TTC13: variants seen among roughly 807,000 people sequenced by gnomAD.
The protein encoded by TTC13 is tetratricopeptide repeat domain 13.
In TTC13, 62 loss-of-function variants were observed where a neutral mutation model predicts 120.0. That is an observed-to-expected ratio of 0.52 (90% confidence interval 0.42 to 0.64). The LOEUF (loss-of-function observed/expected upper bound fraction) is 0.64. TTC13 is among the 30% of genes least tolerant of loss of function. The pLI is 0.00. For synonymous variants in TTC13, 384 were observed against 393.5 expected, an observed-to-expected ratio of 0.98 and a Z score of 0.28; for missense variants, 824 against 1,050.2, an observed-to-expected ratio of 0.78 and a Z score of 2.98.
chr1:230,917,054 C>T (rs1402866117), intron 17 of TTC13, among the ~76,000 whole-genome samples: 1 of 151,892 alleles, frequency 6.6e-6, no homozygotes, highest in East Asian at 1.9e-4. Flanking sequence ...GAGGCTGCTG[C>T]TTCATGAGGG....
rs4846887 is a variant in TTC13, at chr1:230,962,751, G to C, written c.272-1448C>G. ...GTGTATACAGAGTAGAATACTATTC[G>C]ACCATAAAAAAATGAACTACTGATA... On this transcript the variant is annotated intron_variant, in intron 1 of 22. Coordinates refer to ENST00000366661, the MANE Select transcript of TTC13 (RefSeq NM_024525.5). Among the ~76,000 whole-genome samples the C allele has an allele frequency of 6.6e-5, 10 of 152,212 alleles. No individual in the cohort carries two copies. In the South Asian group the frequency reaches 2.1e-3, roughly 32 times the overall value.
intron 9 of TTC13, among the ~76,000 whole-genome samples, chr1:230,933,160 A>G (rs1422326514): frequency 6.6e-6 from 1 of 152,108 alleles, no homozygotes; most frequent in Non-Finnish European, 1.5e-5. Flanking sequence ...TTTAGTAGAC[A>G]CAGGGTTTCA....
chr1:230,962,003 G>A (rs545578332), intron 1 of TTC13, among the ~76,000 whole-genome samples: 5 of 152,120 alleles, frequency 3.3e-5, no homozygotes, highest in African/African-American at 4.8e-5. Flanking sequence ...CTAAGGTCAC[G>A]AGTTCGAGAC....
chr1:230,931,764 C>G lies in TTC13; in HGVS notation c.1097G>C (p.Ser366Thr). ...LRGMMLYHHG[S>T]LQEALKNFKR... ...AAAGTTCTTAAGGGCTTCCTGTAAGCTGCCGTGGTGGTAGAGCATCATTCC... is the reference window on the plus strand; with the variant it reads ...AAAGTTCTTAAGGGCTTCCTGTAAGGTGCCGTGGTGGTAGAGCATCATTCC... Residue 366 changes from serine (S) to threonine (T), a missense_variant, in exon 10 of 23, where the codon AGC becomes ACC. Coordinates refer to ENST00000366661, the MANE Select transcript of TTC13 (RefSeq NM_024525.5). 6.2e-7 allele frequency: 1 copy of G among 1,614,136 alleles called. No homozygotes were observed. The highest frequency in any genetic ancestry group is 2.2e-5 in the East Asian group (1 of 44,876).
intron 8 of TTC13, among the ~76,000 whole-genome samples, chr1:230,937,428 C>T (rs987901274): frequency 6.6e-6 from 1 of 152,150 alleles, no homozygotes; most frequent in African/African-American, 2.4e-5. Flanking sequence ...TACCGAAGTT[C>T]TGAGTTTTTA....
chr1:230,943,934 T>C, intron 5 of TTC13, 36 bp from the exon 6 acceptor site: 1 of 1,481,034 alleles, frequency 6.8e-7, no homozygotes, highest in South Asian at 1.2e-5. Context: ...AGACATACTG[T>C]TACTCAAAAC....
chr1:230,955,976 A>G, intron 3 of TTC13, among the ~76,000 whole-genome samples: 1 of 152,202 alleles, frequency 6.6e-6, no homozygotes, highest in African/African-American at 2.4e-5. Context: ...TAATATTAGT[A>G]GTAAAAACAG....
rs1462940827 is a variant in TTC13, at chr1:230,943,895, T to G, written c.583A>C (p.Ile195Leu). Residue 195 changes from isoleucine to leucine, a missense_variant, in exon 6 of 23, where the codon ATT becomes CTT. Around this residue, in one of 4 missense-constraint regions of TTC13, gnomAD observed 430 missense variants for 626.8 expected, o/e 0.69. Transcript: ENST00000366661. ...IAYGKKGLHD[I>L]KNAELALFEL... ...AACAGAGCAAGCTCAGCATTCTTAA[T>G]GTCCTTGAAAAGGCATTAGCTTAGT... 2 of 1,607,644 alleles carry G rather than the reference T, an allele frequency of 1.2e-6. No individual in the cohort carries two copies. Among genetic ancestry groups the G allele is most frequent in the South Asian group, 2.2e-5 (2 of 90,230 alleles).
intron 22 of TTC13, among the ~76,000 whole-genome samples, chr1:230,907,564 G>A (rs945787218): frequency 9.9e-5 from 15 of 152,206 alleles, no homozygotes; most frequent in Non-Finnish European, 2.2e-4. Flanking sequence ...CAAGACCTTC[G>A]GCCTGGTGGT....
chr1:230,926,563 T>C (rs1199132670), intron 12 of TTC13, among the ~76,000 whole-genome samples: 2 of 152,026 alleles, frequency 1.3e-5, no homozygotes, highest in Non-Finnish European at 2.9e-5. Flanking sequence ...GTTTTGGGAG[T>C]GGTAGGAATC....
rs1674784629 is a variant in TTC13, at chr1:230,944,304, T to C, written c.580-406A>G. Among the ~76,000 whole-genome samples the C allele has an allele frequency of 6.6e-6, 1 of 152,254 alleles. No homozygotes were observed. Among genetic ancestry groups the C allele is most frequent in the Non-Finnish European group, 1.5e-5 (1 of 68,042 alleles). ...AGTGTCTATCAAAAACATAAGCCTA[T>C]AAATCTATACCTTAAGAAGTTTAGG... is the stretch of plus-strand genomic sequence containing the variant. On this transcript the variant is annotated intron_variant, in intron 5 of 22. Transcript: ENST00000366661. The surrounding 1 kb of genome is among the most constrained non-coding windows in gnomAD (Gnocchi z 4.0).
chr1:230,950,116 G>A (rs935245222), intron 4 of TTC13, among the ~76,000 whole-genome samples: 1 of 151,766 alleles, frequency 6.6e-6, no homozygotes, highest in Non-Finnish European at 1.5e-5. Context: ...TCTATCATTA[G>A]CTAAAAGCCA....
intron 4 of TTC13, among the ~76,000 whole-genome samples, chr1:230,950,029 T>C (rs528354971): frequency 1.3e-5 from 2 of 152,218 alleles, no homozygotes; most frequent in Non-Finnish European, 2.9e-5. Flanking sequence ...ATCTACAGTC[T>C]AGTATTAAGC....
rs116084047 is a variant in TTC13 at position 230,924,787 on chromosome 1, C to T, written c.1721+54G>A. 8.5e-4 allele frequency: 1,363 copies of T among 1,604,046 alleles called. 11 individuals are homozygous for T. In the African/African-American group the frequency reaches 0.016, roughly 19 times the overall value. On this transcript the variant is annotated intron_variant, in intron 14 of 22. Transcript: ENST00000366661. The stretch of plus-strand genomic sequence containing the variant: ...TAGCCTGTTAGCTAAAACAGACTGA[C>T]GTTATTTGACAATGATAAGACTTAT...
intron 8 of TTC13, 90 bp downstream of exon 8, chr1:230,939,292 TAATA>T (rs1674340577): frequency 1.6e-6 from 1 of 628,464 alleles, no homozygotes; most frequent in African/African-American, 1.8e-5. Flanking sequence ...GCTCAATAAA[TAATA>T]AATACCAGCC....
At chr1:230,941,491 A>AG (rs34383643) in intron 6 of TTC13, among the ~76,000 whole-genome samples, 15 of 152,112 alleles carry the variant, frequency 9.9e-5, no homozygotes, top group Admixed American at 2.0e-4. Context: ...TTGCAGAGGT[A>AG]GGGGTCTCAC....
intron 10 of TTC13, 127 bp from the exon 11 acceptor site, chr1:230,931,599 A>C: frequency 6.9e-7 from 1 of 1,451,390 alleles, no homozygotes; most frequent in Non-Finnish European, 9.4e-7. Context: ...ACAGGACAAG[A>C]GCAATGATTT....
intron 12 of TTC13, among the ~76,000 whole-genome samples, chr1:230,926,967 G>A (rs535195035): frequency 6.6e-6 from 1 of 152,092 alleles, no homozygotes; most frequent in South Asian, 2.1e-4. Context: ...CTACAGTTTG[G>A]CTTATGAGCT....
At chr1:230,956,723 C>A (rs1676119640) in intron 3 of TTC13, among the ~76,000 whole-genome samples, 1 of 152,070 alleles carries the variant, frequency 6.6e-6, no homozygotes, top group Admixed American at 6.5e-5. Context: ...TAAAGCTCAA[C>A]ATTTTGTGAA....
Sources: gnomAD v4.1 joint callset for allele counts (sites outside exome capture counted in the v4.1 genomes callset) on GRCh38, gnomAD v4.1.1 for gene constraint, gnomAD v4.1.1 regional missense constraint, Gnocchi (gnomAD v3.1) non-coding constraint, MANE v1.5 for transcripts, NCBI Gene and HGNC (gene_info 2026-07-23, HGNC 2026-07-21) for gene names.